Variants in AFF2 observed in about 807,000 individuals in gnomAD.
The protein encoded by AFF2 is ALF transcription elongation factor 2.
In AFF2, 14 loss-of-function variants were observed where a neutral mutation model predicts 76.9. That is an observed-to-expected ratio of 0.18 (90% confidence interval 0.12 to 0.28). AFF2 has a LOEUF of 0.28. Ranked by LOEUF, AFF2 falls within the 10% of genes least tolerant of loss-of-function variation. The pLI is 1.00. For missense variants in AFF2, 868 were observed against 1,001.1 expected (o/e 0.87, Z 1.79); for synonymous variants, 398 against 366.7 (o/e 1.09, Z -0.98).
At chrX:148,741,964 A>G (rs1014821520) in intron 3 of AFF2, among the ~76,000 whole-genome samples, 1 of 111,950 alleles carries the variant, frequency 8.9e-6, no homozygotes, top group Non-Finnish European at 1.9e-5. Context: ...TCCCTTTCCT[A>G]CTTCCACAGT....
At chrX:148,555,813 A>G (rs2053045964) in intron 1 of AFF2, among the ~76,000 whole-genome samples, 1 of 112,587 alleles carries the variant, frequency 8.9e-6, no homozygotes, top group Non-Finnish European at 1.9e-5. Context: ...GTTTTTATGC[A>G]TCTGATTATG....
intron 1 of AFF2, among the ~76,000 whole-genome samples, chrX:148,563,809 T>C (rs2053140417): frequency 8.9e-6 from 1 of 111,786 alleles, no homozygotes; most frequent in African/African-American, 3.3e-5. Flanking sequence ...CTGGGTTATC[T>C]TCCAGACTGT....
intron 1 of AFF2, among the ~76,000 whole-genome samples, chrX:148,605,944 T>TA (rs782451623): frequency 3.6e-5 from 4 of 112,088 alleles, no homozygotes; most frequent in African/African-American, 1.3e-4. Flanking sequence ...AACAGGGTGT[T>TA]AGCATAGTCT....
At chrX:148,928,265 T>C (rs2071675503) in intron 9 of AFF2, among the ~76,000 whole-genome samples, 1 of 112,299 alleles carries the variant, frequency 8.9e-6, no homozygotes, top group Non-Finnish European at 1.9e-5. Context: ...CATACAGGAC[T>C]GGAAAGAAAG....
intron 3 of AFF2, among the ~76,000 whole-genome samples, chrX:148,683,435 A>G (rs1557260100): frequency 1.8e-5 from 2 of 112,010 alleles, no homozygotes; most frequent in African/African-American, 6.5e-5. Flanking sequence ...CTTTTAAAAT[A>G]CCATGTTTTG....
intron 3 of AFF2, among the ~76,000 whole-genome samples, chrX:148,784,078 C>T (rs1242749564): frequency 8.9e-6 from 1 of 112,173 alleles, no homozygotes; most frequent in Non-Finnish European, 1.9e-5. Flanking sequence ...CAGTGAATTT[C>T]CTCTCCAGTG....
intron 3 of AFF2, among the ~76,000 whole-genome samples, chrX:148,726,129 A>C (rs2055151960): frequency 8.9e-6 from 1 of 112,046 alleles, no homozygotes; most frequent in Admixed American, 9.4e-5. Flanking sequence ...ACACATCAAG[A>C]AGAGTCTTGA....
intron 3 of AFF2, among the ~76,000 whole-genome samples, chrX:148,706,853 C>T (rs900063420): frequency 5.3e-5 from 6 of 112,551 alleles, no homozygotes; most frequent in Non-Finnish European, 1.9e-5. Context: ...TGTGCCTAAA[C>T]AGAAGATTCT....
intron 6 of AFF2, among the ~76,000 whole-genome samples, 154 bp from the exon 7 acceptor site, chrX:148,843,228 T>C (rs781950624): frequency 9.1e-6 from 1 of 110,227 alleles, no homozygotes; most frequent in African/African-American, 3.3e-5. Flanking sequence ...TCCCGTGATA[T>C]ATCTAACTGG....
At chrX:148,853,259 A>C (rs782746064) in intron 7 of AFF2, among the ~76,000 whole-genome samples, 19 of 111,469 alleles carry the variant, frequency 1.7e-4, no homozygotes, top group African/African-American at 6.2e-4. Flanking sequence ...TTATATTGTT[A>C]AATCTTTTAG....
In AFF2 at chrX:148,748,498, C is replaced by T. The variant is rs782748430; in HGVS notation, c.1042-61378C>T. 1.6e-4 allele frequency among the ~76,000 whole-genome samples: 18 copies of T among 111,866 alleles called. No homozygotes were observed. The South Asian group carries it at 1.9e-3, about 12-fold the overall frequency. On this transcript the variant is annotated intron_variant, in intron 3 of 20. Coordinates refer to ENST00000370460, the MANE Select transcript of AFF2 (RefSeq NM_002025.4). ...TTAAATACTCCCGAAGAGCAAATACCGGACTCATTCTCTAATGTCCCTTTC... is the reference window on the plus strand; with the variant it reads ...TTAAATACTCCCGAAGAGCAAATACTGGACTCATTCTCTAATGTCCCTTTC...
At chrX:148,708,930 C>G (rs1280584406) in intron 3 of AFF2, among the ~76,000 whole-genome samples, 5 of 111,692 alleles carry the variant, frequency 4.5e-5, no homozygotes, top group Middle Eastern at 4.6e-3. Flanking sequence ...TTTGATGTAA[C>G]AAAGGTTTTA....
intron 7 of AFF2, among the ~76,000 whole-genome samples, chrX:148,873,797 T>C (rs2071005370): frequency 9.0e-6 from 1 of 111,640 alleles, no homozygotes; most frequent in Non-Finnish European, 1.9e-5. Flanking sequence ...CAAGTCATAA[T>C]TGTACATCTG....
intron 3 of AFF2, among the ~76,000 whole-genome samples, chrX:148,685,876 G>A (rs781868319): frequency 9.1e-6 from 1 of 109,540 alleles, no homozygotes; most frequent in Non-Finnish European, 1.9e-5. Context: ...ATATTACATT[G>A]TCTCTCTCTT....
At chrX:148,924,849 C>T (rs2071633213) in intron 9 of AFF2, among the ~76,000 whole-genome samples, 1 of 112,284 alleles carries the variant, frequency 8.9e-6, no homozygotes, top group African/African-American at 3.2e-5. Context: ...AATGTCTACA[C>T]ACTTTATCTA....
At chrX:148,902,643 TGCAAATGGACA>T (rs1235648872) in intron 8 of AFF2, among the ~76,000 whole-genome samples, 6 of 111,755 alleles carry the variant, frequency 5.4e-5, no homozygotes, top group Admixed American at 2.8e-4. Flanking sequence ...GTACATGGAC[TGCAAATGGACA>T]GCAAATGGAC....
At chrX:148,807,001 T>C (rs1557271399) in intron 3 of AFF2, among the ~76,000 whole-genome samples, 1 of 112,286 alleles carries the variant, frequency 8.9e-6, no homozygotes, top group Non-Finnish European at 1.9e-5. Flanking sequence ...TTCATGAGAA[T>C]GCTGGATTTT....
Position 148,956,177 on chromosome X carries a change from T to C in AFF2, c.2132T>C (p.Ile711Thr), listed in dbSNP as rs966788952. The C allele has an allele frequency of 9.1e-6, 11 of 1,208,389 alleles. No homozygotes were observed. The highest frequency in any genetic ancestry group is 4.6e-4 in the Middle Eastern group (2 of 4,375). Residue 711 changes from isoleucine (I) to threonine (T), a missense_variant, in exon 11 of 21, where the codon ATT becomes ACT. By Grantham distance (89) the Ile-to-Thr change is moderately conservative (BLOSUM62 -1). This residue lies in a region of AFF2 where 532 missense variants were observed against 564.2 expected (regional missense o/e 0.94). Coordinates refer to ENST00000370460, the MANE Select transcript of AFF2 (RefSeq NM_002025.4). Reference protein sequence around the residue: ...GKIVPKSREFIETDSSTSDSN... With the variant: ...GKIVPKSREFTETDSSTSDSN... The stretch of plus-strand genomic sequence containing the variant: ...ATTGTGCCAAAGTCTCGGGAATTCA[T>C]TGAAACAGATTCATCTACATCTGAC...
intron 1 of AFF2, among the ~76,000 whole-genome samples, chrX:148,612,533 C>T (rs1269591715): frequency 1.8e-5 from 2 of 112,020 alleles, no homozygotes; most frequent in African/African-American, 6.5e-5. Context: ...TAAAAACAGA[C>T]ACTGCATATG....
Sources: allele counts gnomAD v4.1 joint callset (sites outside exome capture counted in the v4.1 genomes callset), GRCh38; gene constraint gnomAD v4.1.1; regional missense constraint gnomAD v4.1.1; transcripts MANE v1.5; gene names NCBI Gene and HGNC (gene_info 2026-07-23, HGNC 2026-07-21).